GALNTL6: variants seen among roughly 807,000 people sequenced by gnomAD.
GALNTL6 encodes the protein polypeptide N-acetylgalactosaminyltransferase-like 6.
GALNTL6 carries 46 observed loss-of-function variants against 73.7 expected under a neutral mutation model. The observed-to-expected ratio is 0.62, with a 90% CI of 0.49 to 0.80. GALNTL6 has a LOEUF of 0.80. GALNTL6 is among the 30% of genes least tolerant of loss of function. The pLI is 0.00. For synonymous variants in GALNTL6, 259 were observed against 263.7 expected, an observed-to-expected ratio of 0.98 and a Z score of 0.17; for missense variants, 604 against 755.0, an observed-to-expected ratio of 0.80 and a Z score of 2.34.
intron 5 of GALNTL6, among the ~76,000 whole-genome samples, chr4:172,518,543 C>A (rs1734681496): frequency 6.6e-6 from 1 of 151,850 alleles, no homozygotes; most frequent in Admixed American, 6.6e-5. Flanking sequence ...ATAAAACATT[C>A]TCTTATTTTA....
At chr4:172,569,109 G>A (rs1736670489) in intron 5 of GALNTL6, among the ~76,000 whole-genome samples, 1 of 152,048 alleles carries the variant, frequency 6.6e-6, no homozygotes, top group African/African-American at 2.4e-5. Context: ...TAGTTCTCTG[G>A]GACCAGTATA....
At chr4:172,043,603 G>A (rs944269811) in intron 2 of GALNTL6, among the ~76,000 whole-genome samples, 8 of 151,946 alleles carry the variant, frequency 5.3e-5, no homozygotes, top group Non-Finnish European at 1.0e-4. Flanking sequence ...TAGAATACGG[G>A]TTACAAATGT....
rs1173541638 is a variant in GALNTL6, at chr4:173,040,632, T to A, written c.*532T>A. ...GATGATTTCAGAGTGCTCACACTAT[T>A]CTGTTTTTTTTATTTTTATTTTTAA... On this transcript the variant is annotated 3_prime_UTR_variant, in exon 13 of 13. Coordinates refer to ENST00000506823, the MANE Select transcript of GALNTL6 (RefSeq NM_001034845.3). 5 of 152,698 alleles carry A rather than the reference T, an allele frequency of 3.3e-5. No individual in the cohort carries two copies. The highest frequency in any genetic ancestry group is 1.9e-4 in the East Asian group (1 of 5,188). The allele number at this position is 152,698 out of a possible 1,614,324, so 9.5% of individuals were successfully genotyped here.
At chr4:172,592,670 G>GTCTATCTATCTA (rs5864141) in intron 5 of GALNTL6, among the ~76,000 whole-genome samples, 7,958 of 142,018 alleles carry the variant, frequency 0.056, 281 homozygotes, top group East Asian at 0.098. Context: ...CTGTCTGTCT[G>GTCTATCTATCTA]TCTATCTATC....
chr4:172,893,629 A>G (rs980490012), intron 8 of GALNTL6, among the ~76,000 whole-genome samples: 1 of 152,166 alleles, frequency 6.6e-6, no homozygotes, highest in Non-Finnish European at 1.5e-5. Flanking sequence ...CAAAGATCAG[A>G]TGCACCCCCG....
chr4:172,685,409 C>T (rs1447060286), intron 5 of GALNTL6, among the ~76,000 whole-genome samples: 1 of 151,998 alleles, frequency 6.6e-6, no homozygotes, highest in Non-Finnish European at 1.5e-5. Context: ...GAAAATGTAT[C>T]CCCTTTTTAG....
chr4:171,862,845 C>G (rs1038296713), intron 2 of GALNTL6, among the ~76,000 whole-genome samples: 1 of 151,970 alleles, frequency 6.6e-6, no homozygotes, highest in Non-Finnish European at 1.5e-5. Context: ...TATTAGCCCC[C>G]AAATTATCTG....
At chr4:172,925,787 G>A (rs1414484936) in intron 8 of GALNTL6, among the ~76,000 whole-genome samples, 1 of 152,174 alleles carries the variant, frequency 6.6e-6, no homozygotes, top group Non-Finnish European at 1.5e-5. Flanking sequence ...ACCCTTGATG[G>A]AGAACCTTGT....
chr4:172,862,631 T>A (rs893793041), intron 7 of GALNTL6, among the ~76,000 whole-genome samples: 1 of 151,608 alleles, frequency 6.6e-6, no homozygotes, highest in Non-Finnish European at 1.5e-5. Flanking sequence ...ACCCTGGAGG[T>A]GGAGGTTGCG....
intron 5 of GALNTL6, among the ~76,000 whole-genome samples, chr4:172,612,194 G>C (rs1341607188): frequency 6.6e-6 from 1 of 151,896 alleles, no homozygotes; most frequent in Non-Finnish European, 1.5e-5. Flanking sequence ...TTGGGGGTGG[G>C]GTATCCAAAA....
chr4:172,287,451 C>G (rs894268419), intron 3 of GALNTL6, among the ~76,000 whole-genome samples: 2 of 152,196 alleles, frequency 1.3e-5, no homozygotes, highest in African/African-American at 4.8e-5. Context: ...ACAAAATAGA[C>G]ACTGTTTTAT....
intron 5 of GALNTL6, among the ~76,000 whole-genome samples, chr4:172,516,198 A>G (rs2110804072): frequency 6.6e-6 from 1 of 152,294 alleles, no homozygotes; most frequent in Non-Finnish European, 1.5e-5. Flanking sequence ...GTGAGGCAGC[A>G]CTCAAATTAC....
At chr4:172,024,296 A>G (rs1741489836) in intron 2 of GALNTL6, among the ~76,000 whole-genome samples, 1 of 151,846 alleles carries the variant, frequency 6.6e-6, no homozygotes, top group Non-Finnish European at 1.5e-5. Flanking sequence ...GTCATGCTTC[A>G]TTCATCTTTC....
At chr4:172,565,083 T>TCC (rs1180084771) in intron 5 of GALNTL6, among the ~76,000 whole-genome samples, 2 of 152,194 alleles carry the variant, frequency 1.3e-5, no homozygotes, top group Non-Finnish European at 2.9e-5. Context: ...GTTGCTGTGC[T>TCC]CTCACATGGA....
intron 5 of GALNTL6, among the ~76,000 whole-genome samples, chr4:172,459,084 A>G (rs1732514659): frequency 6.6e-6 from 1 of 152,230 alleles, no homozygotes; most frequent in Non-Finnish European, 1.5e-5. Flanking sequence ...AATGTAATCC[A>G]TCACATAAAC....
At chr4:171,988,778 G>A (rs1442263508) in intron 2 of GALNTL6, among the ~76,000 whole-genome samples, 2 of 152,110 alleles carry the variant, frequency 1.3e-5, no homozygotes, top group East Asian at 1.9e-4. Context: ...TGGGATATTG[G>A]CATTGAGCCG....
At chr4:172,054,257 A>G (rs1221999390) in intron 2 of GALNTL6, among the ~76,000 whole-genome samples, 1 of 152,196 alleles carries the variant, frequency 6.6e-6, no homozygotes, top group Non-Finnish European at 1.5e-5. Context: ...TATCACAAAC[A>G]TATTTTTATA....
intron 5 of GALNTL6, among the ~76,000 whole-genome samples, chr4:172,602,277 A>G (rs1738087432): frequency 6.6e-6 from 1 of 152,170 alleles, no homozygotes; most frequent in South Asian, 2.1e-4. Context: ...GAAGTGAAGA[A>G]GATAGGGAAT....
intron 2 of GALNTL6, among the ~76,000 whole-genome samples, chr4:172,200,815 TGAGTTA>T (rs1735927663): frequency 6.6e-6 from 1 of 152,234 alleles, no homozygotes; most frequent in Non-Finnish European, 1.5e-5. Flanking sequence ...TGTTACAGGG[TGAGTTA>T]TGCTTTGCAA....
Sources: allele counts gnomAD v4.1 joint callset (sites outside exome capture counted in the v4.1 genomes callset), GRCh38; gene constraint gnomAD v4.1.1; transcripts MANE v1.5; gene names NCBI Gene and HGNC (gene_info 2026-07-23, HGNC 2026-07-21).